INTS11: variants seen among roughly 807,000 people sequenced by gnomAD.
INTS11 encodes the protein integrator complex subunit 11, also known as CPSF3-like protein.
Under a neutral mutation model 78.6 loss-of-function variants are expected in INTS11, and 77 were observed. The observed-to-expected ratio is 0.98, with a 90% CI of 0.81 to 1.18. The LOEUF (loss-of-function observed/expected upper bound fraction) is 1.18, where lower values mean the gene tolerates loss of function less well. Among genes scored for constraint, INTS11 ranks in the 50% most tolerant of loss-of-function variants. The pLI, the probability that INTS11 is intolerant of heterozygous loss-of-function variation, is 0.00. For synonymous variants in INTS11, 441 were observed against 326.9 expected, an observed-to-expected ratio of 1.35 and a Z score of -3.77; for missense variants, 875 against 825.9, an observed-to-expected ratio of 1.06 and a Z score of -0.73.
intron 1 of INTS11, among the ~76,000 whole-genome samples, chr1:1,322,575 G>A (rs1643012018): frequency 9.6e-6 from 1 of 103,852 alleles, no homozygotes. Context: ...GGGAGGGACG[G>A]GGTGGGGAAG....
chr1:1,312,652 G>A lies in INTS11; in HGVS notation c.1343C>T (p.Thr448Ile). Residue 448 changes from threonine (T) to isoleucine (I), a missense_variant, in exon 13 of 17, where the codon ACA (threonine) becomes ATA (isoleucine). Coordinates refer to ENST00000435064, the MANE Select transcript of INTS11 (RefSeq NM_017871.6). ...PANGETVTLP[T>I]SPSIPVGISL... The stretch of plus-strand genomic sequence containing the variant: ...GATGCCTACGGGGATGCTGGGGCTT[G>A]TGGGCAGCGTCACCGTCTCGCCATT... 1.9e-6 allele frequency: 3 copies of A among 1,594,296 alleles called. No individual in the cohort carries two copies. The highest frequency in any genetic ancestry group is 2.2e-5 in the South Asian group (2 of 89,630).
chr1:1,314,344 G>C lies in INTS11; in HGVS notation c.724C>G (p.Leu242Val). The C allele has an allele frequency of 6.2e-7, 1 of 1,607,886 alleles. No individual in the cohort carries two copies. The highest frequency in any genetic ancestry group is 1.1e-5 in the South Asian group (1 of 90,142). The change falls in exon 8 of 17, where the codon CTG becomes GTG. Residue 242 changes from leucine to valine, a missense_variant. By Grantham distance (32) the Leu-to-Val change is conservative. Coordinates refer to ENST00000435064, the MANE Select transcript of INTS11 (RefSeq NM_017871.6). The surrounding 1 kb of genome is among the most constrained non-coding windows in gnomAD (Gnocchi z 4.2). The stretch of plus-strand genomic sequence containing the variant: ...ATGCAGAGCTCCTGGGCGCGGCCCA[G>C]CGCGAACACAGGTATCAGCACCTGA... ...GGKVLIPVFA[L>V]GRAQELCILL...
In INTS11 at chr1:1,312,114, T is replaced by G. The variant is rs12103; in HGVS notation, c.1641A>C (p.Pro547=). 6.4e-7 allele frequency: 1 copy of G among 1,568,098 alleles called. No homozygotes were observed. The highest frequency in any genetic ancestry group is 8.6e-7 in the Non-Finnish European group (1 of 1,159,744). The change falls in exon 16 of 17, where the codon CCA becomes CCC. Residue 547 remains proline (P), a synonymous_variant. Transcript: ENST00000435064. ...VLKDHCVQHL[P]DGSVTVESVL... ...CGGACTCCACAGTCACAGAGCCGTC[T>G]GGGAGGTGCTGCACACAGTGGTCCT... is the stretch of plus-strand genomic sequence containing the variant.
chr1:1,316,052 A>C (rs1320470842), intron 4 of INTS11: 1 of 223,038 alleles, frequency 4.5e-6, no homozygotes, highest in Non-Finnish European at 8.9e-6. Context: ...GGCCAGGCCT[A>C]AGGTGGATCC....
Position 1,312,285 on chromosome 1 carries a change from G to A in INTS11, c.1548C>T (p.His516=). 2 of 1,549,842 alleles carry A rather than the reference G, an allele frequency of 1.3e-6. No individual in the cohort carries two copies. The highest frequency in any genetic ancestry group is 1.7e-6 in the Non-Finnish European group (2 of 1,146,968). ...CCTGCTCCTTGCGTGTGTCATGCAG[G>A]TGCACGCGGCAGGTGAAGCGCAGCT... ...EHQLRFTCRV[H]LHDTRKEQET... is the part of the protein sequence containing the mutation. Residue 516 remains histidine (H), a synonymous_variant, in exon 15 of 17, where the codon CAC becomes CAT. Transcript: ENST00000435064.
In INTS11 at chr1:1,315,647, G is replaced by A. The variant is rs1275830814; in HGVS notation, c.430-29C>T. The A allele has an allele frequency of 1.9e-6, 3 of 1,561,028 alleles. No individual in the cohort carries two copies. The Admixed American group carries it at 5.1e-5, about 26-fold the overall frequency. ...TGGAGGACAGGGCTGCGCTCAGGCTGTGTCCTCACAGCAGAGGGGCGGGGA... is the reference window on the plus strand; with the variant it reads ...TGGAGGACAGGGCTGCGCTCAGGCTATGTCCTCACAGCAGAGGGGCGGGGA... On this transcript the variant is annotated intron_variant, in intron 4 of 16. Coordinates refer to ENST00000435064, the MANE Select transcript of INTS11 (RefSeq NM_017871.6).
rs1162767330 is a variant in INTS11, at chr1:1,314,059, C to G, written c.768-138G>C. On this transcript the variant is annotated intron_variant, in intron 8 of 16. Transcript: ENST00000435064. This position sits in a 1 kb window ranked among gnomAD's most constrained non-coding sequence, Gnocchi z 4.2. ...GTTGAGTCCAGTCGCGACCACTTGTCCCATTAAGCCCTGCAGCAGCCGGGC... is the reference window on the plus strand; with the variant it reads ...GTTGAGTCCAGTCGCGACCACTTGTGCCATTAAGCCCTGCAGCAGCCGGGC... The G allele has an allele frequency of 4.6e-6, 4 of 878,628 alleles. No individual in the cohort carries two copies. Among genetic ancestry groups the G allele is most frequent in the Non-Finnish European group, 7.1e-6 (4 of 565,672 alleles). The allele number at this position is 878,628 out of a possible 1,614,324, so 54.4% of individuals were successfully genotyped here.
At chr1:1,313,942 C>A (rs753556582) in intron 8 of INTS11, 21 bp from the exon 9 acceptor site, 1 of 1,606,554 alleles carries the variant, frequency 6.2e-7, no homozygotes, top group South Asian at 1.1e-5. Context: ...CCGGCCCAGT[C>A]AGCACAGTGG....
intron 1 of INTS11, chr1:1,321,950 A>C: frequency 8.1e-7 from 1 of 1,238,294 alleles, no homozygotes; most frequent in South Asian, 1.7e-5. Flanking sequence ...CCAGCACCAC[A>C]CATCAGGATG....
At position 1,312,585 on chromosome 1, in the gene INTS11, C is replaced by A; in HGVS notation, c.1402+8G>T. ...AGCACCCTGCCCTGCCCTGCCCAGCCCGCATACCCTGCGCCATCTCCCGCT... is the reference window on the plus strand; with the variant it reads ...AGCACCCTGCCCTGCCCTGCCCAGCACGCATACCCTGCGCCATCTCCCGCT... On this transcript the variant is annotated splice_region_variant and intron_variant, in intron 13 of 16. Coordinates refer to ENST00000435064, the MANE Select transcript of INTS11 (RefSeq NM_017871.6). 6.3e-7 allele frequency: 1 copy of A among 1,575,222 alleles called. No homozygotes were observed.
intron 1 of INTS11, chr1:1,321,900 C>T: frequency 1.3e-5 from 13 of 1,022,732 alleles, no homozygotes; most frequent in African/African-American, 1.7e-5. Context: ...CCCTTGAATC[C>T]CACCCACCTC....
Position 1,323,838 on chromosome 1 carries a change from C to A in INTS11, c.28+743G>T, listed in dbSNP as rs537119532. Among the ~76,000 whole-genome samples the A allele has an allele frequency of 3.0e-5, 3 of 99,186 alleles. No individual in the cohort carries two copies. The South Asian group carries it at 1.2e-3, about 38-fold the overall frequency. The allele number at this position is 99,186 out of a possible 152,430, so 65.1% of individuals were successfully genotyped here. ...GGGCGTGAGCACACAGAGTGGTGGACAGAAAGCAAGACGTGAGGAGGCAGA... is the reference window on the plus strand; with the variant it reads ...GGGCGTGAGCACACAGAGTGGTGGAAAGAAAGCAAGACGTGAGGAGGCAGA... On this transcript the variant is annotated intron_variant, in intron 1 of 16. Coordinates refer to ENST00000435064, the MANE Select transcript of INTS11 (RefSeq NM_017871.6).
At chr1:1,318,600 G>A (rs1226363140) in intron 4 of INTS11, 2 of 338,876 alleles carry the variant, frequency 5.9e-6, no homozygotes, top group East Asian at 1.0e-4. Context: ...CGAGGCTGCA[G>A]TGAGCCAAGA....
intron 1 of INTS11, among the ~76,000 whole-genome samples, chr1:1,322,589 T>G (rs1569572824): frequency 1.5e-5 from 1 of 64,692 alleles, no homozygotes; most frequent in East Asian, 4.8e-4. Context: ...GGGGAAGGGA[T>G]GGTCCAGGGG....
At chr1:1,313,243 C>CTG in intron 10 of INTS11, 119 bp from the exon 11 acceptor site, 1 of 1,188,142 alleles carries the variant, frequency 8.4e-7, no homozygotes, top group Admixed American at 2.0e-5. Context: ...CGGCGCCCGA[C>CTG]CAAGCCTAGC....
rs1642267814 is a variant in INTS11, at chr1:1,312,442, T to C, written c.1462A>G (p.Ser488Gly). 4 of 1,569,092 alleles carry C rather than the reference T, an allele frequency of 2.5e-6. No individual in the cohort carries two copies. In the East Asian group the frequency reaches 9.5e-5, roughly 37 times the overall value. ...LLHGTLIMKD[S>G]NFRLVSSEQA... ...CCAGAGACCGTCCTGGCACTCACGC[T>C]GTCCTTCATGATCAGGGTGCCGTGC... Residue 488 changes from serine (S) to glycine (G), a missense_variant and splice_region_variant, in exon 14 of 17, where the codon AGC becomes GGC. Coordinates refer to ENST00000435064, the MANE Select transcript of INTS11 (RefSeq NM_017871.6).
intron 1 of INTS11, chr1:1,323,376 T>TTTTCCTTC: frequency 7.0e-7 from 1 of 1,420,716 alleles, no homozygotes; most frequent in Non-Finnish European, 9.5e-7. Context: ...TTGACTAATT[T>TTTTCCTTC]TTTCCTTCTT....
At position 1,314,848 on chromosome 1, in the gene INTS11, G is replaced by A. The variant is rs2296473; in HGVS notation, c.678C>T (p.His226=). The part of the protein sequence containing the change: ...CRERDFLKKV[H]ETVERGGKVL... ...CCTTCCCACCACGCTCCACGGTCTC[G>A]TGGACTTTCTTCAGGAAGTCTCGCT... The change falls in exon 7 of 17, where the codon CAC becomes CAT. Residue 226 remains histidine, a synonymous_variant. Transcript: ENST00000435064. The surrounding 1 kb of genome is among the most constrained non-coding windows in gnomAD (Gnocchi z 4.2). The A allele has an allele frequency of 3.3e-4, 528 of 1,612,658 alleles. 2 individuals carry two copies. The East Asian group carries it at 0.01, about 32-fold the overall frequency.
In INTS11 at chr1:1,314,054, CTT is replaced by C; in HGVS notation, c.768-135_768-134del. 1.1e-6 allele frequency: 1 copy of C among 937,134 alleles called. No individual in the cohort carries two copies. The highest frequency in any genetic ancestry group is 1.6e-5 in the South Asian group (1 of 63,416). The allele number at this position is 937,134 out of a possible 1,614,324, so 58.1% of individuals were successfully genotyped here. ...GCCAGGTTGAGTCCAGTCGCGACCA[CTT>C]GTCCCATTAAGCCCTGCAGCAGCCG... On this transcript the variant is annotated intron_variant, in intron 8 of 16. Coordinates refer to ENST00000435064, the MANE Select transcript of INTS11 (RefSeq NM_017871.6). The surrounding 1 kb of genome is among the most constrained non-coding windows in gnomAD (Gnocchi z 4.2).
Sources: allele counts gnomAD v4.1 joint callset (sites outside exome capture counted in the v4.1 genomes callset), GRCh38; gene constraint gnomAD v4.1.1; non-coding constraint Gnocchi (gnomAD v3.1); transcripts MANE v1.5; gene names NCBI Gene and HGNC (gene_info 2026-07-23, HGNC 2026-07-21).